NCOA6: variants seen among roughly 807,000 people sequenced by gnomAD.
NCOA6 encodes nuclear receptor coactivator 6.
NCOA6 carries 49 observed loss-of-function variants against 171.4 expected under a neutral mutation model. The ratio of observed to expected loss-of-function variants is 0.29; its 90% CI spans 0.23 to 0.36. The LOEUF (loss-of-function observed/expected upper bound fraction) is 0.36, where lower values mean the gene tolerates loss of function less well. Ranked by LOEUF, NCOA6 falls within the 10% of genes least tolerant of loss-of-function variation. NCOA6 has a pLI of 1.00. For synonymous variants in NCOA6, 910 were observed against 927.5 expected, an observed-to-expected ratio of 0.98 and a Z score of 0.34; for missense variants, 2,248 against 2,554.5, an observed-to-expected ratio of 0.88 and a Z score of 2.59.
At chr20:34,745,236 T>A (rs3787222) in intron 10 of NCOA6, among the ~76,000 whole-genome samples, 51,108 of 152,086 alleles carry the variant, frequency 0.34, 9,128 homozygotes, top group Middle Eastern at 0.43. Context: ...GATGCCCTAT[T>A]TAAAGGCATT....
At chr20:34,775,025 C>T (rs557879715) in intron 4 of NCOA6, among the ~76,000 whole-genome samples, 4 of 152,244 alleles carry the variant, frequency 2.6e-5, no homozygotes, top group African/African-American at 7.2e-5. Flanking sequence ...TACTTGAAGG[C>T]TGAGCAGGCA....
rs202209457 is a variant in NCOA6 at position 34,776,747 on chromosome 20, C to T, written c.236-299G>A. The stretch of plus-strand genomic sequence containing the variant: ...AAATTAGATAATATATGCAAAAAAT[C>T]TAGCATAGTACCTGGCACACCACAG... On this transcript the variant is annotated intron_variant, in intron 3 of 14. Coordinates refer to ENST00000359003, the MANE Select transcript of NCOA6 (RefSeq NM_014071.5). The T allele has an allele frequency of 3.2e-5, 16 of 506,658 alleles. No homozygotes were observed. In the East Asian group the frequency reaches 6.5e-4, roughly 21 times the overall value. The allele number at this position is 506,658 out of a possible 1,614,324, so 31.4% of individuals were successfully genotyped here.
rs1301959325 is a variant in NCOA6 at position 34,750,443 on chromosome 20, G to A, written c.1752C>T (p.Leu584=). The A allele has an allele frequency of 1.2e-6, 2 of 1,613,846 alleles. No homozygotes were observed. Among genetic ancestry groups the A allele is most frequent in the Non-Finnish European group, 1.7e-6 (2 of 1,180,028 alleles). The part of the protein sequence containing the change: ...HGPPNMMQPS[L]MGIHGNMNNQ... ...TGTTCATGTTGCCATGAATTCCCAT[G>A]AGGCTGGGCTGCATCATATTTGGCG... Residue 584 remains leucine, a synonymous_variant, in exon 9 of 15, where the codon CTC becomes CTT. Coordinates refer to ENST00000359003, the MANE Select transcript of NCOA6 (RefSeq NM_014071.5).
At chr20:34,776,023 T>C (rs533607837) in intron 4 of NCOA6, among the ~76,000 whole-genome samples, 2 of 152,116 alleles carry the variant, frequency 1.3e-5, no homozygotes, top group African/African-American at 4.8e-5. Context: ...AGGATGCCAA[T>C]AAAATCAAAG....
intron 12 of NCOA6, among the ~76,000 whole-genome samples, chr20:34,734,728 C>T (rs781266168): frequency 4.0e-5 from 6 of 151,752 alleles, no homozygotes; most frequent in Non-Finnish European, 8.8e-5. Context: ...CTCCGGCTCA[C>T]CGCAACCTCT....
At chr20:34,730,538 A>G (rs977275521) in intron 13 of NCOA6, among the ~76,000 whole-genome samples, 1 of 152,190 alleles carries the variant, frequency 6.6e-6, no homozygotes, top group Admixed American at 6.5e-5. Flanking sequence ...CTAGACAAAT[A>G]GCTGGTGCAT....
At position 34,750,465 on chromosome 20, in the gene NCOA6, G is replaced by A; in HGVS notation, c.1730C>T (p.Pro577Leu). 1.2e-6 allele frequency: 2 copies of A among 1,613,512 alleles called. No homozygotes were observed. The highest frequency in any genetic ancestry group is 1.7e-6 in the Non-Finnish European group (2 of 1,179,722). The part of the protein sequence containing the change: ...QNQMQVSHGP[P>L]NMMQPSLMGI... ...CATGAGGCTGGGCTGCATCATATTT[G>A]GCGGCCCGTGGGACACCTGCATCTG... Residue 577 changes from proline to leucine, a missense_variant, in exon 9 of 15, where the codon CCA (proline) becomes CTA (leucine). Physicochemically the swap from Pro to Leu is moderately conservative, Grantham distance 98. Transcript: ENST00000359003.
intron 9 of NCOA6, among the ~76,000 whole-genome samples, chr20:34,748,796 A>T (rs574510181): frequency 1.3e-5 from 2 of 152,230 alleles, no homozygotes; most frequent in Non-Finnish European, 2.9e-5. Context: ...CCTTTAAAGG[A>T]AAGGCACCTG....
At position 34,742,897 on chromosome 20, in the gene NCOA6, T is replaced by C. The variant is rs1313843677; in HGVS notation, c.3359A>G (p.Asn1120Ser). 6.2e-7 allele frequency: 1 copy of C among 1,614,078 alleles called. No homozygotes were observed. Among genetic ancestry groups the C allele is most frequent in the African/African-American group, 1.3e-5 (1 of 74,926 alleles). The change falls in exon 11 of 15, where the codon AAT becomes AGT. Residue 1120 changes from asparagine (N) to serine (S), a missense_variant. Physicochemically the swap from Asn to Ser is conservative, Grantham distance 46. Transcript: ENST00000359003. Reference protein sequence around the residue: ...RKMVYQESPQNPSSSPLAEMA... With the variant: ...RKMVYQESPQSPSSSPLAEMA... The stretch of plus-strand genomic sequence containing the variant: ...CTCCGCCAGTGGCGAGCTGGAAGGA[T>C]TCTGCGGGCTCTCCTGATAGACCAT...
chr20:34,812,564 A>AT (rs1409376971), intron 1 of NCOA6, among the ~76,000 whole-genome samples: 5 of 152,186 alleles, frequency 3.3e-5, no homozygotes, highest in Non-Finnish European at 7.3e-5. Context: ...AAAACCACTC[A>AT]TCCCAACACA....
intron 5 of NCOA6, among the ~76,000 whole-genome samples, chr20:34,767,690 GTT>G (rs1432046507): frequency 1.3e-5 from 2 of 152,124 alleles, no homozygotes; most frequent in Non-Finnish European, 2.9e-5. Flanking sequence ...GGGTAAGCAG[GTT>G]CTTACTCTGC....
chr20:34,743,409 A>G, intron 10 of NCOA6, 68 bp from the exon 11 acceptor site: 1 of 1,494,528 alleles, frequency 6.7e-7, no homozygotes, highest in Non-Finnish European at 9.0e-7. Flanking sequence ...CCTTTAGAGT[A>G]TAGCCAAGCA....
intron 1 of NCOA6, among the ~76,000 whole-genome samples, chr20:34,805,881 T>C (rs2078432964): frequency 6.6e-6 from 1 of 152,034 alleles, no homozygotes; most frequent in South Asian, 2.1e-4. Flanking sequence ...AGAGACAGGG[T>C]TTCACCATAG....
rs1474505991 is a variant in NCOA6, at chr20:34,768,316, G to C, written c.514+148C>G. ...TTCATGCTGTGACCTCTAGCCTCCGGGAAGGACTCATGTCTAGCTTTCCTG... is the reference window on the plus strand; with the variant it reads ...TTCATGCTGTGACCTCTAGCCTCCGCGAAGGACTCATGTCTAGCTTTCCTG... On this transcript the variant is annotated intron_variant, in intron 5 of 14. Transcript: ENST00000359003. The C allele has an allele frequency of 3.8e-6, 4 of 1,048,064 alleles. No homozygotes were observed. The Admixed American group carries it at 1.1e-4, about 28-fold the overall frequency. The allele number at this position is 1,048,064 out of a possible 1,614,324, so 64.9% of individuals were successfully genotyped here.
chr20:34,787,680 A>G (rs1258788576), intron 2 of NCOA6, among the ~76,000 whole-genome samples: 4 of 152,200 alleles, frequency 2.6e-5, no homozygotes, highest in Admixed American at 2.6e-4. Context: ...AGTGGGGCTT[A>G]GCCTTCAAGC....
intron 1 of NCOA6, among the ~76,000 whole-genome samples, chr20:34,794,972 T>G (rs2078016234): frequency 6.6e-6 from 1 of 152,190 alleles, no homozygotes; most frequent in Admixed American, 6.5e-5. Flanking sequence ...AACTATGACA[T>G]TAATGACTTA....
intron 5 of NCOA6, among the ~76,000 whole-genome samples, chr20:34,762,863 T>C (rs1356105814): frequency 6.6e-6 from 1 of 152,224 alleles, no homozygotes; most frequent in Non-Finnish European, 1.5e-5. Flanking sequence ...CTTTATTTCA[T>C]ACTACTCTTG....
intron 1 of NCOA6, among the ~76,000 whole-genome samples, chr20:34,801,486 A>T (rs2078253493): frequency 6.6e-6 from 1 of 152,216 alleles, no homozygotes; most frequent in African/African-American, 2.4e-5. Context: ...CCAAATAAAT[A>T]AAATCAGAGA....
intron 3 of NCOA6, among the ~76,000 whole-genome samples, chr20:34,779,235 G>T (rs745685151): frequency 5.3e-5 from 8 of 152,160 alleles, no homozygotes; most frequent in African/African-American, 1.4e-4. Context: ...ATTTGGCTGC[G>T]TGCAGTGGCG....
Sources: allele counts gnomAD v4.1 joint callset (sites outside exome capture counted in the v4.1 genomes callset), GRCh38; gene constraint gnomAD v4.1.1; transcripts MANE v1.5; gene names NCBI Gene and HGNC (gene_info 2026-07-23, HGNC 2026-07-21).